Variants in ARAP2 observed in about 807,000 individuals in gnomAD.
The protein encoded by ARAP2 is ArfGAP with RhoGAP domain, ankyrin repeat and PH domain 2.
A neutral mutation model predicts 194.5 loss-of-function variants in ARAP2; 148 were observed. That is an observed-to-expected ratio of 0.76 (90% CI 0.67 to 0.87). The LOEUF is 0.87. Among genes scored for constraint, ARAP2 ranks in the 40% least tolerant of loss-of-function variants. The pLI is 0.00. For missense variants in ARAP2, 2,128 were observed against 1,989.7 expected (o/e 1.07, Z -1.32); for synonymous variants, 695 against 683.5 (o/e 1.02, Z -0.26).
chr4:36,126,068 T>G (rs1386979862), intron 21 of ARAP2, among the ~76,000 whole-genome samples: 1 of 151,974 alleles, frequency 6.6e-6, no homozygotes, highest in Non-Finnish European at 1.5e-5. Flanking sequence ...TTTGTACTGA[T>G]TTAGCCTGTA....
intron 32 of ARAP2, among the ~76,000 whole-genome samples, chr4:36,068,681 T>C (rs2109300913): frequency 6.6e-6 from 1 of 152,342 alleles, no homozygotes; most frequent in East Asian, 1.9e-4. Context: ...GGTGAAAAAC[T>C]GATATGGCGT....
At chr4:36,141,963 C>T (rs1260312665) in intron 19 of ARAP2, among the ~76,000 whole-genome samples, 5 of 151,598 alleles carry the variant, frequency 3.3e-5, no homozygotes, top group Non-Finnish European at 7.4e-5. Flanking sequence ...AAGGGTGGTA[C>T]AATGAAATTT....
intron 7 of ARAP2, among the ~76,000 whole-genome samples, chr4:36,188,618 G>C (rs944874254): frequency 2.0e-5 from 3 of 152,106 alleles, no homozygotes; most frequent in African/African-American, 4.8e-5. Flanking sequence ...GGCTGATAAC[G>C]CATACCAAGG....
At chr4:36,084,730 C>T (rs1457542238) in intron 28 of ARAP2, among the ~76,000 whole-genome samples, 1 of 151,868 alleles carries the variant, frequency 6.6e-6, no homozygotes, top group African/African-American at 2.4e-5. Context: ...AACAGAAATA[C>T]AGGGGAAAAG....
intron 2 of ARAP2, among the ~76,000 whole-genome samples, chr4:36,216,460 G>T (rs115146326): frequency 6.6e-5 from 10 of 152,082 alleles, no homozygotes; most frequent in Admixed American, 6.6e-4. Flanking sequence ...AATAAATACT[G>T]CTGGCAGGAA....
chr4:36,122,908 C>T (rs1041970292), intron 22 of ARAP2, among the ~76,000 whole-genome samples: 2 of 151,600 alleles, frequency 1.3e-5, no homozygotes, highest in East Asian at 1.9e-4. Flanking sequence ...TAAGACTAAG[C>T]TAGACATTCC....
intron 10 of ARAP2, among the ~76,000 whole-genome samples, chr4:36,165,469 C>A (rs1403887023): frequency 6.6e-6 from 1 of 151,978 alleles, no homozygotes; most frequent in Non-Finnish European, 1.5e-5. Context: ...AGTTTCAGGG[C>A]TACTGGAATA....
At chr4:36,130,587 C>T (rs1487911114) in intron 20 of ARAP2, among the ~76,000 whole-genome samples, 2 of 151,848 alleles carry the variant, frequency 1.3e-5, no homozygotes, top group African/African-American at 4.8e-5. Flanking sequence ...AAATTTACCC[C>T]TACACCATGG....
At chr4:36,038,326 G>T (rs191492342) in intron 5 of ARAP2, among the ~76,000 whole-genome samples, 5 of 152,254 alleles carry the variant, frequency 3.3e-5, no homozygotes, top group African/African-American at 4.8e-5. Context: ...GACTATAAAG[G>T]ATCAGGGAAT....
intron 31 of ARAP2, among the ~76,000 whole-genome samples, chr4:36,075,950 C>T (rs1728156993): frequency 6.6e-6 from 1 of 152,120 alleles, no homozygotes; most frequent in African/African-American, 2.4e-5. Context: ...CTCTCCTTTG[C>T]CTCTGCCCTT....
chr4:36,051,680 A>T (rs116346587), intron 3 of ARAP2, among the ~76,000 whole-genome samples: 3,278 of 152,160 alleles, frequency 0.022, 140 homozygotes, highest in African/African-American at 0.075. Context: ...CCTTTCTTGC[A>T]TACTCTTTTA....
chr4:36,183,513 C>T (rs1389674966), intron 8 of ARAP2, among the ~76,000 whole-genome samples: 1 of 152,120 alleles, frequency 6.6e-6, no homozygotes, highest in Non-Finnish European at 1.5e-5. Context: ...AAGCTCTCTT[C>T]TAAGCACCAG....
intron 21 of ARAP2, 29 bp downstream of exon 21, chr4:36,128,504 A>ACACACAC (rs61406580): frequency 1.3e-6 from 2 of 1,532,602 alleles, no homozygotes; most frequent in Non-Finnish European, 9.0e-7. Flanking sequence ...ACACACACAC[A>ACACACAC]TATCTACAAA....
At position 36,018,335 on chromosome 4, in the gene ARAP2, G is replaced by A. The variant is rs531820614; in HGVS notation, n.750+809C>T. On this transcript the variant is annotated intron_variant and non_coding_transcript_variant, in intron 6 of 12. Coordinates refer to the ARAP2 transcript ENST00000503225. Reference sequence around the variant, plus strand: ...ATTGTCAACCCAACCCACTTGCTCCGATATTTGGTATTTGTTACAAAGCAC... The same window carrying A: ...ATTGTCAACCCAACCCACTTGCTCCAATATTTGGTATTTGTTACAAAGCAC... 1.1e-4 allele frequency among the ~76,000 whole-genome samples: 17 copies of A among 151,646 alleles called. No individual in the cohort carries two copies. In the South Asian group the frequency reaches 2.7e-3, roughly 24 times the overall value.
At chr4:36,014,324 G>GAGAAAGAAAGAAAGAA (rs1181898359) in intron 8 of ARAP2, among the ~76,000 whole-genome samples, 3 of 109,762 alleles carry the variant, frequency 2.7e-5, no homozygotes, top group Non-Finnish European at 3.6e-5. Flanking sequence ...GAAAGAAAGA[G>GAGAAAGAAAGAAAGAA]AGAAAGAAAG....
chr4:36,120,605 T>C (rs1390933941), intron 23 of ARAP2, among the ~76,000 whole-genome samples: 1 of 151,646 alleles, frequency 6.6e-6, no homozygotes, highest in East Asian at 1.9e-4. Context: ...CCTGGGCTTA[T>C]TTCCCCTATT....
chr4:36,156,917 A>G (rs1732699337), intron 15 of ARAP2, among the ~76,000 whole-genome samples: 1 of 152,228 alleles, frequency 6.6e-6, no homozygotes, highest in Non-Finnish European at 1.5e-5. Flanking sequence ...TCTTTTTTAA[A>G]TAAATTTTAA....
At chr4:36,191,881 T>C (rs1161259556) in intron 7 of ARAP2, among the ~76,000 whole-genome samples, 2 of 152,052 alleles carry the variant, frequency 1.3e-5, no homozygotes, top group Non-Finnish European at 2.9e-5. Flanking sequence ...CCATTTTCTG[T>C]GATATAATGA....
chr4:36,099,699 C>T (rs368352449), intron 27 of ARAP2, among the ~76,000 whole-genome samples: 2 of 152,076 alleles, frequency 1.3e-5, no homozygotes, highest in South Asian at 2.1e-4. Flanking sequence ...CACATTCTGG[C>T]GCTAGACTGC....
Sources: allele counts gnomAD v4.1 joint callset (sites outside exome capture counted in the v4.1 genomes callset), GRCh38; gene constraint gnomAD v4.1.1; transcripts MANE v1.5; gene names NCBI Gene and HGNC (gene_info 2026-07-23, HGNC 2026-07-21).